The following EPPIN variants were observed in gnomAD, a reference collection of about 807,000 sequenced individuals.
EPPIN encodes the protein WAP four-disulfide core domain protein 7.
EPPIN carries 14 observed loss-of-function variants against 18.8 expected under a neutral mutation model. The observed-to-expected ratio is 0.75, with a 90% CI of 0.49 to 1.17. The LOEUF (loss-of-function observed/expected upper bound fraction) is 1.17. Among genes scored for constraint, EPPIN ranks in the 50% most tolerant of loss-of-function variants. The pLI, the probability that EPPIN is intolerant of heterozygous loss-of-function variation, is 0.00. For missense variants in EPPIN, 143 were observed against 154.2 expected, an observed-to-expected ratio of 0.93 and a Z score of 0.39; for synonymous variants, 57 against 54.8, an observed-to-expected ratio of 1.04 and a Z score of -0.18.
At chr20:45,546,051 TTGGGGGGCTGAAC>T (rs1979817801) in intron 1 of EPPIN, 1 of 488,128 alleles carries the variant, frequency 2.0e-6, no homozygotes, top group Non-Finnish European at 3.6e-6. Context: ...AATTCTTTGT[TTGGGGGGCTGAAC>T]TGGGGATTGT....
chr20:45,544,482 A>G (rs1199683447), intron 2 of EPPIN: 1 of 152,192 alleles, frequency 6.6e-6, no homozygotes, highest in Non-Finnish European at 1.5e-5. Flanking sequence ...TGGAGGTAAG[A>G]GTTGAACTCA....
intron 2 of EPPIN, chr20:45,545,243 A>ATCTCG: frequency 1.0e-5 from 2 of 190,612 alleles, no homozygotes; most frequent in South Asian, 1.3e-4. Context: ...GTGTAGGCAG[A>ATCTCG]GAGGTGGTCA....
intron 2 of EPPIN, chr20:45,545,236 TAGGC>T: frequency 1.1e-5 from 2 of 187,682 alleles, no homozygotes; most frequent in South Asian, 1.4e-4. Context: ...TGGATTTGTG[TAGGC>T]AGAGAGGTGG....
rs1243767495 is a variant in EPPIN, at chr20:45,540,986, C to T, written c.*1158G>A. On this transcript the variant is annotated 3_prime_UTR_variant, in exon 4 of 4. Transcript: ENST00000354280. ...ATGCATGTGTATGTTCACTGCAGCA[C>T]TATTTACAATAGCAAAAACATGGAA... The T allele has an allele frequency of 6.6e-6, 1 of 152,170 alleles. No individual in the cohort carries two copies. The highest frequency in any genetic ancestry group is 6.5e-5 in the Admixed American group (1 of 15,278). The allele number at this position is 152,170 out of a possible 1,614,324, so 9.4% of individuals were successfully genotyped here. A position where few individuals can be genotyped will look rare whatever the true frequency, so the allele number is the denominator to read the frequency against.
At chr20:45,547,125 C>A in intron 1 of EPPIN, 142 bp downstream of exon 1, 1 of 1,209,226 alleles carries the variant, frequency 8.3e-7, no homozygotes, top group Non-Finnish European at 1.1e-6. Flanking sequence ...CAGGAGGGAT[C>A]TTACAAATAT....
Position 45,541,798 on chromosome 20 carries a change from G to A in EPPIN, c.*346C>T. The A allele has an allele frequency of 4.0e-6, 1 of 247,446 alleles. No individual in the cohort carries two copies. Among genetic ancestry groups the A allele is most frequent in the Admixed American group, 5.0e-5 (1 of 20,104 alleles). 15.3% of individuals were successfully genotyped at this position (247,446 alleles called of 1,614,324 possible). A position where few individuals can be genotyped will look rare whatever the true frequency, so the allele number is the denominator to read the frequency against. On this transcript the variant is annotated 3_prime_UTR_variant, in exon 4 of 4. Transcript: ENST00000354280. ...CCTCAATGATCCCTTACTCTGCAAAGTGTAATGTGCCAAAAAGATGTCAAT... is the reference window on the plus strand; with the variant it reads ...CCTCAATGATCCCTTACTCTGCAAAATGTAATGTGCCAAAAAGATGTCAAT...
At position 45,542,690 on chromosome 20, in the gene EPPIN, T is replaced by G; in HGVS notation, c.391+10A>C. 6.2e-7 allele frequency: 1 copy of G among 1,612,450 alleles called. No homozygotes were observed. The highest frequency in any genetic ancestry group is 8.5e-7 in the Non-Finnish European group (1 of 1,179,172). ...GGAGAGGATGAAAGACCGGGGCCCCTAGGACTTACGTTTATTCTTGCAGGT... is the reference window on the plus strand; with the variant it reads ...GGAGAGGATGAAAGACCGGGGCCCCGAGGACTTACGTTTATTCTTGCAGGT... On this transcript the variant is annotated intron_variant, in intron 3 of 3. Coordinates refer to ENST00000354280, the MANE Select transcript of EPPIN (RefSeq NM_020398.4).
rs2231844 is a variant in EPPIN, at chr20:45,542,158, C to A, written c.392-4G>T. 2 of 1,613,320 alleles carry A rather than the reference C, an allele frequency of 1.2e-6. No individual in the cohort carries two copies. Among genetic ancestry groups the A allele is most frequent in the East Asian group, 2.2e-5 (1 of 44,848 alleles). Reference sequence around the variant, plus strand: ...TCCTTATCCAATCAGGGAAAGCCTGCAGAGAACGTAGGACAGAAACAGCTG... The same window carrying A: ...TCCTTATCCAATCAGGGAAAGCCTGAAGAGAACGTAGGACAGAAACAGCTG... On this transcript the variant is annotated splice_polypyrimidine_tract_variant and splice_region_variant and intron_variant, in intron 3 of 3. Transcript: ENST00000354280.
At position 45,540,969 on chromosome 20, in the gene EPPIN, G is replaced by A. The variant is rs1185890672; in HGVS notation, c.*1175C>T. The A allele has an allele frequency of 6.6e-6, 1 of 152,178 alleles. No individual in the cohort carries two copies. Among genetic ancestry groups the A allele is most frequent in the Non-Finnish European group, 1.5e-5 (1 of 68,036 alleles). 9.4% of individuals were successfully genotyped at this position (152,178 alleles called of 1,614,324 possible). A position where few individuals can be genotyped will look rare whatever the true frequency, so the allele number is the denominator to read the frequency against. ...TTCTTTTATAAAGATACATGCATGT[G>A]TATGTTCACTGCAGCACTATTTACA... On this transcript the variant is annotated 3_prime_UTR_variant, in exon 4 of 4. Transcript: ENST00000354280.
intron 2 of EPPIN, 147 bp from the exon 3 acceptor site, chr20:45,543,014 T>C: frequency 8.0e-7 from 1 of 1,245,390 alleles, no homozygotes; most frequent in East Asian, 2.6e-5. Context: ...TCCACTGACA[T>C]ATTGCACACA....
intron 1 of EPPIN, 133 bp downstream of exon 1, chr20:45,547,134 A>T: frequency 7.8e-7 from 1 of 1,289,336 alleles, no homozygotes; most frequent in South Asian, 1.5e-5. Context: ...TCTTACAAAT[A>T]TCTCTCTCCT....
chr20:45,545,968 C>G, intron 1 of EPPIN, 198 bp from the exon 2 acceptor site: 1 of 717,552 alleles, frequency 1.4e-6, no homozygotes, highest in East Asian at 2.7e-5. Context: ...CCTCTCCTCC[C>G]TCTATTCCCA....
chr20:45,542,838 G>A lies in EPPIN; in HGVS notation c.253C>T (p.Pro85Ser), dbSNP rs771338913. 37 of 1,613,454 alleles carry A rather than the reference G, an allele frequency of 2.3e-5. No homozygotes were observed. The East Asian group carries it at 4.9e-4, about 21-fold the overall frequency. ...CAATGAAGAAAATAAGCCAGGCAGG[G>A]GCCAGTTTCTTTTGGCATTTCGCAT... Reference protein sequence around the residue: ...DVCEMPKETGPCLAYFLHWWY... With the variant: ...DVCEMPKETGSCLAYFLHWWY... The change falls in exon 3 of 4, where the codon CCC (proline) becomes TCC (serine). Residue 85 changes from proline to serine, a missense_variant. Transcript: ENST00000354280.
At chr20:45,544,583 A>G (rs1979739488) in intron 2 of EPPIN, 2 of 152,240 alleles carry the variant, frequency 1.3e-5, no homozygotes. Context: ...AGTCCTGTTC[A>G]CTTTGCCTCC....
chr20:45,547,277 CCAAT>C lies in EPPIN; in HGVS notation c.77_80del (p.Asp26GlyfsTer44), dbSNP rs750466938. 3.7e-6 allele frequency: 6 copies of C among 1,613,892 alleles called. No individual in the cohort carries two copies. Among genetic ancestry groups the C allele is most frequent in the Non-Finnish European group, 5.1e-6 (6 of 1,179,852 alleles). ...GAGGCCAATACTTACTGGGAAATAACCAATCAGTCAGACCAGGTCCCTGGACATT... is the reference window on the plus strand; with the variant it reads ...GAGGCCAATACTTACTGGGAAATAACCAGTCAGACCAGGTCCCTGGACATT... On this transcript the variant is annotated frameshift_variant, in exon 1 of 4. Coordinates refer to ENST00000354280, the MANE Select transcript of EPPIN (RefSeq NM_020398.4). LOFTEE classifies it high-confidence loss of function.
rs1979613609 is a variant in EPPIN, at chr20:45,542,065, G to C, written c.*79C>G. On this transcript the variant is annotated 3_prime_UTR_variant, in exon 4 of 4. Coordinates refer to ENST00000354280, the MANE Select transcript of EPPIN (RefSeq NM_020398.4). ...TGAGAGTGAAACTGGAAGCCAGTCT[G>C]GAGCATCCGTCAGGTACAGGAACAG... 1 of 1,574,134 alleles carries C rather than the reference G, an allele frequency of 6.4e-7. No homozygotes were observed. The highest frequency in any genetic ancestry group is 8.7e-7 in the Non-Finnish European group (1 of 1,153,904).
intron 3 of EPPIN, 112 bp from the exon 4 acceptor site, chr20:45,542,266 T>G: frequency 6.9e-7 from 1 of 1,453,970 alleles, no homozygotes; most frequent in Admixed American, 2.1e-5. Flanking sequence ...AAGTAGTGGG[T>G]TTGCTTTGGG....
At chr20:45,542,212 G>T (rs560424218) in intron 3 of EPPIN, 58 bp from the exon 4 acceptor site, 3 of 1,606,630 alleles carry the variant, frequency 1.9e-6, no homozygotes, top group Non-Finnish European at 2.6e-6. Flanking sequence ...CATCTTTGGA[G>T]CTTGAAGTTA....
chr20:45,544,301 C>T (rs1340735224), intron 2 of EPPIN: 2 of 152,086 alleles, frequency 1.3e-5, no homozygotes, highest in Admixed American at 1.3e-4. Flanking sequence ...TACAAATAAG[C>T]GAATAGGTAT....
Sources: allele counts gnomAD v4.1 joint callset, GRCh38; gene constraint gnomAD v4.1.1; transcripts MANE v1.5; gene names NCBI Gene and HGNC (gene_info 2026-07-23, HGNC 2026-07-21).